The following ADAM22 variants were observed in gnomAD, a reference collection of about 807,000 sequenced individuals.
ADAM22 encodes the protein disintegrin and metalloproteinase domain-containing protein 22.
ADAM22 carries 65 observed loss-of-function variants against 144.6 expected under a neutral mutation model. The ratio of observed to expected loss-of-function variants is 0.45; its 90% confidence interval spans 0.37 to 0.55. ADAM22 has a LOEUF of 0.55. Among genes scored for constraint, ADAM22 ranks in the 20% least tolerant of loss-of-function variants. ADAM22 has a pLI of 0.00. For missense variants in ADAM22, 974 were observed against 1,184.9 expected (o/e 0.82, Z 2.61); for synonymous variants, 391 against 412.6 (o/e 0.95, Z 0.63).
chr7:88,003,523 G>T (rs1315092091), intron 3 of ADAM22, among the ~76,000 whole-genome samples: 1 of 151,896 alleles, frequency 6.6e-6, no homozygotes, highest in Non-Finnish European at 1.5e-5. Flanking sequence ...TATCCTGAGA[G>T]AATCACACTG....
chr7:88,011,149 T>C (rs1330179944), intron 3 of ADAM22, among the ~76,000 whole-genome samples: 1 of 152,204 alleles, frequency 6.6e-6, no homozygotes, highest in Non-Finnish European at 1.5e-5. Context: ...ATCAGAGGGC[T>C]CAGAAACTTT....
chr7:88,038,150 T>C (rs1801965983), intron 3 of ADAM22, among the ~76,000 whole-genome samples: 1 of 152,180 alleles, frequency 6.6e-6, no homozygotes, highest in African/African-American at 2.4e-5. Context: ...ATTCTCCATG[T>C]CCTGTGGATA....
chr7:88,113,354 C>G (rs1782583169), intron 5 of ADAM22, among the ~76,000 whole-genome samples: 1 of 151,700 alleles, frequency 6.6e-6, no homozygotes, highest in Admixed American at 6.6e-5. Flanking sequence ...TATTACTGCT[C>G]TGATCTAAGC....
intron 22 of ADAM22, among the ~76,000 whole-genome samples, chr7:88,162,384 A>G (rs1249721906): frequency 6.6e-6 from 1 of 152,018 alleles, no homozygotes; most frequent in Non-Finnish European, 1.5e-5. Context: ...ACTATTGAGT[A>G]CTAGGCTTAG....
In ADAM22 at chr7:88,138,184, A is replaced by G. The variant is rs565949404; in HGVS notation, c.1220+2153A>G. On this transcript the variant is annotated intron_variant, in intron 14 of 31. Coordinates refer to ENST00000413139, the MANE Select transcript of ADAM22 (RefSeq NM_001324418.2). ...AATAATAAAGTAAAATATTTCTCCAAAAATCTTTGGACTTTTTGTTTAGTA... is the reference window on the plus strand; with the variant it reads ...AATAATAAAGTAAAATATTTCTCCAGAAATCTTTGGACTTTTTGTTTAGTA... 2.5e-3 allele frequency among the ~76,000 whole-genome samples: 386 copies of G among 152,264 alleles called. 2 individuals are homozygous for G. Among genetic ancestry groups the G allele is most frequent in the Non-Finnish European group, 3.9e-3 (262 of 68,004 alleles).
At chr7:88,066,078 G>A (rs1467824783) in intron 3 of ADAM22, among the ~76,000 whole-genome samples, 5 of 152,094 alleles carry the variant, frequency 3.3e-5, no homozygotes, top group Non-Finnish European at 1.5e-5. Context: ...GACAGTATTT[G>A]ACTGTCATTA....
intron 4 of ADAM22, among the ~76,000 whole-genome samples, chr7:88,107,056 TTATC>T (rs1824578868): frequency 6.6e-6 from 1 of 152,154 alleles, no homozygotes; most frequent in Non-Finnish European, 1.5e-5. Flanking sequence ...ATGAACCTGT[TTATC>T]TGGTAATCAA....
intron 26 of ADAM22, among the ~76,000 whole-genome samples, chr7:88,177,228 T>C (rs1006529655): frequency 4.6e-5 from 7 of 152,092 alleles, no homozygotes; most frequent in African/African-American, 1.4e-4. Context: ...AAAAGGGAAG[T>C]TTTCTCCCCA....
intron 2 of ADAM22, among the ~76,000 whole-genome samples, chr7:87,953,029 C>CTCTT (rs756523309): frequency 6.6e-6 from 1 of 151,614 alleles, no homozygotes; most frequent in Non-Finnish European, 1.5e-5. Context: ...TGATTCATCT[C>CTCTT]TTTTTCTTTA....
chr7:88,181,643 T>C, intron 28 of ADAM22, 38 bp downstream of exon 28: 2 of 1,552,026 alleles, frequency 1.3e-6, no homozygotes, highest in African/African-American at 2.7e-5. Context: ...GTCCACATAA[T>C]CAAGTTCTAT....
At chr7:87,991,352 ATTTTTTTT>A (rs10549124) in intron 3 of ADAM22, among the ~76,000 whole-genome samples, 5 of 86,070 alleles carry the variant, frequency 5.8e-5, no homozygotes, top group Admixed American at 1.6e-4. Flanking sequence ...CACTAGCCTT[ATTTTTTTT>A]TTTTTTTTTT....
chr7:88,128,382 G>A lies in ADAM22; in HGVS notation c.679-220G>A, dbSNP rs145850031. ...GAGTAGGTGGAGAATAGAGGTGAGA[G>A]GAAGACATTCATCTTCTGCCCTTTT... On this transcript the variant is annotated intron_variant, in intron 8 of 31. Coordinates refer to ENST00000413139, the MANE Select transcript of ADAM22 (RefSeq NM_001324418.2). Among the ~76,000 whole-genome samples the A allele has an allele frequency of 1.3e-4, 20 of 152,034 alleles. No homozygotes were observed. The East Asian group carries it at 3.7e-3, about 28-fold the overall frequency.
At chr7:88,134,945 T>G (rs1247444786) in intron 13 of ADAM22, among the ~76,000 whole-genome samples, 1 of 152,062 alleles carries the variant, frequency 6.6e-6, no homozygotes, top group East Asian at 1.9e-4. Context: ...TACTATGTAT[T>G]TACCTTAAAA....
At chr7:88,009,264 T>C (rs992273795) in intron 3 of ADAM22, among the ~76,000 whole-genome samples, 3 of 152,196 alleles carry the variant, frequency 2.0e-5, no homozygotes, top group Non-Finnish European at 4.4e-5. Flanking sequence ...TTGATGTCAG[T>C]ATTTCACAAG....
chr7:87,950,080 T>G (rs1042601193), intron 2 of ADAM22, among the ~76,000 whole-genome samples: 1 of 152,062 alleles, frequency 6.6e-6, no homozygotes, highest in African/African-American at 2.4e-5. Flanking sequence ...TATAATTAGC[T>G]TCAAGAATTT....
At chr7:88,066,398 A>T (rs1015119884) in intron 3 of ADAM22, among the ~76,000 whole-genome samples, 1 of 152,170 alleles carries the variant, frequency 6.6e-6, no homozygotes, top group African/African-American at 2.4e-5. Flanking sequence ...AAATTGAAGT[A>T]GCCATTTAAG....
At chr7:88,176,374 G>C (rs1434545719) in intron 26 of ADAM22, among the ~76,000 whole-genome samples, 1 of 152,202 alleles carries the variant, frequency 6.6e-6, no homozygotes, top group Non-Finnish European at 1.5e-5. Context: ...TTTGCAGTGT[G>C]ATAGATAAGA....
At chr7:88,156,179 T>C (rs1460348520) in intron 22 of ADAM22, among the ~76,000 whole-genome samples, 173 bp downstream of exon 22, 2 of 152,074 alleles carry the variant, frequency 1.3e-5, no homozygotes, top group East Asian at 1.9e-4. Flanking sequence ...AGATAAAAAA[T>C]AGTTGAATGA....
chr7:88,024,584 G>A (rs1415010382), intron 3 of ADAM22, among the ~76,000 whole-genome samples: 2 of 151,516 alleles, frequency 1.3e-5, no homozygotes, highest in African/African-American at 2.4e-5. Flanking sequence ...AAGTTTTAGG[G>A]TACATGTGCA....
Sources: allele counts gnomAD v4.1 joint callset (sites outside exome capture counted in the v4.1 genomes callset), GRCh38; gene constraint gnomAD v4.1.1; transcripts MANE v1.5; gene names NCBI Gene and HGNC (gene_info 2026-07-23, HGNC 2026-07-21).